PCBP3: variants seen among roughly 807,000 people sequenced by gnomAD.
The protein encoded by PCBP3 is poly(rC)-binding protein 3.
A neutral mutation model predicts 52.7 loss-of-function variants in PCBP3; 25 were observed. The observed-to-expected ratio is 0.47, with a 90% CI of 0.35 to 0.66. PCBP3 has a LOEUF of 0.66. PCBP3 is among the 30% of genes least tolerant of loss of function. The pLI, the probability that PCBP3 is intolerant of heterozygous loss-of-function variation, is 0.01. For missense variants in PCBP3, 391 were observed against 490.3 expected, an observed-to-expected ratio of 0.80 and a Z score of 1.91; for synonymous variants, 162 against 183.0, an observed-to-expected ratio of 0.89 and a Z score of 0.93.
At chr21:45,796,871 G>T (rs2091945526) in intron 4 of PCBP3, among the ~76,000 whole-genome samples, 1 of 152,222 alleles carries the variant, frequency 6.6e-6, no homozygotes, top group South Asian at 2.1e-4. Context: ...TAGAATGGAA[G>T]CATGATTTAT....
chr21:45,678,328 A>AATC (rs2081600671), intron 2 of PCBP3, among the ~76,000 whole-genome samples: 1 of 151,758 alleles, frequency 6.6e-6, no homozygotes, highest in Non-Finnish European at 1.5e-5. Context: ...AAATAATAAT[A>AATC]ATAAAATAAA....
At chr21:45,898,336 CCTCCCTCTGCACACCATCCTCATGGT>C (rs757663456) in intron 6 of PCBP3, among the ~76,000 whole-genome samples, 8,467 of 63,866 alleles carry the variant, frequency 0.13, 889 homozygotes, top group East Asian at 0.18. Flanking sequence ...GTCCTCACAG[CCTCCCTCTGCACACCATCCTCATGGT>C]CTCCCTCTGC....
intron 3 of PCBP3, among the ~76,000 whole-genome samples, chr21:45,752,449 C>A (rs1315308658): frequency 6.6e-6 from 1 of 151,870 alleles, no homozygotes; most frequent in Non-Finnish European, 1.5e-5. Context: ...TGTACATTTC[C>A]CTCAAAGTAC....
chr21:45,755,172 C>T (rs1199081925), intron 3 of PCBP3, among the ~76,000 whole-genome samples: 1 of 152,184 alleles, frequency 6.6e-6, no homozygotes, highest in African/African-American at 2.4e-5. Context: ...GCAGCTCTGC[C>T]TTTCTCAGAA....
At chr21:45,833,138 C>G (rs1280937163) in intron 4 of PCBP3, among the ~76,000 whole-genome samples, 1 of 152,152 alleles carries the variant, frequency 6.6e-6, no homozygotes, top group Non-Finnish European at 1.5e-5. Context: ...AGTGGGCACC[C>G]CCATCCAGCA....
At chr21:45,826,620 A>G (rs2147589369) in intron 4 of PCBP3, among the ~76,000 whole-genome samples, 1 of 152,264 alleles carries the variant, frequency 6.6e-6, no homozygotes, top group South Asian at 2.1e-4. Context: ...CATGCATAAA[A>G]GATTCTGAAA....
chr21:45,655,805 A>G (rs542365052), intron 1 of PCBP3, among the ~76,000 whole-genome samples: 15 of 152,268 alleles, frequency 9.9e-5, no homozygotes, highest in African/African-American at 3.6e-4. Context: ...ACTTAAACAA[A>G]TTTTCAAGAA....
intron 4 of PCBP3, among the ~76,000 whole-genome samples, chr21:45,775,399 G>T (rs1389335080): frequency 1.3e-5 from 2 of 150,958 alleles, no homozygotes; most frequent in African/African-American, 2.4e-5. Flanking sequence ...GTTTTCTTTG[G>T]TTCTTCTCTC....
At chr21:45,700,103 A>G (rs2083022947) in intron 2 of PCBP3, among the ~76,000 whole-genome samples, 1 of 152,160 alleles carries the variant, frequency 6.6e-6, no homozygotes, top group Non-Finnish European at 1.5e-5. Flanking sequence ...CATGCCAGTG[A>G]CAATGTTTGA....
chr21:45,813,625 A>G (rs1396623690), intron 4 of PCBP3, among the ~76,000 whole-genome samples: 1 of 152,104 alleles, frequency 6.6e-6, no homozygotes, highest in African/African-American at 2.4e-5. Context: ...TATTTTTTAA[A>G]TAGAGATGGG....
chr21:45,679,847 G>A (rs571686728), intron 2 of PCBP3, among the ~76,000 whole-genome samples: 7 of 152,314 alleles, frequency 4.6e-5, no homozygotes, highest in African/African-American at 1.4e-4. Flanking sequence ...ATTTGAGTGT[G>A]CAATTTATTT....
At chr21:45,659,223 G>A (rs901388833) in intron 1 of PCBP3, among the ~76,000 whole-genome samples, 1 of 150,426 alleles carries the variant, frequency 6.6e-6, no homozygotes, top group African/African-American at 2.4e-5. Flanking sequence ...AGAACGTTAG[G>A]TTATTGATTT....
chr21:45,872,853 G>T (rs1008966780), intron 5 of PCBP3: 1 of 152,180 alleles, frequency 6.6e-6, no homozygotes, highest in Admixed American at 6.5e-5. Flanking sequence ...GTGATATAAC[G>T]ATGCCCATCC....
intron 11 of PCBP3, among the ~76,000 whole-genome samples, chr21:45,911,555 G>T (rs1026037709): frequency 6.6e-6 from 1 of 152,140 alleles, no homozygotes; most frequent in East Asian, 1.9e-4. Context: ...GCATTAAAAC[G>T]GAAAAGCAGA....
intron 13 of PCBP3, among the ~76,000 whole-genome samples, chr21:45,926,940 TGACA>T (rs1439115993): frequency 6.6e-5 from 10 of 152,008 alleles, no homozygotes; most frequent in East Asian, 1.9e-4. Flanking sequence ...GCAGCAGGAG[TGACA>T]GACAGGATGG....
At chr21:45,777,587 T>C (rs1329389410) in intron 4 of PCBP3, among the ~76,000 whole-genome samples, 1 of 152,210 alleles carries the variant, frequency 6.6e-6, no homozygotes, top group African/African-American at 2.4e-5. Context: ...GTTCCAAATG[T>C]CATAAAGGAT....
At chr21:45,663,108 T>A (rs1171624756) in intron 1 of PCBP3, among the ~76,000 whole-genome samples, 1 of 152,098 alleles carries the variant, frequency 6.6e-6, no homozygotes, top group African/African-American at 2.4e-5. Flanking sequence ...AGTAGCAAAA[T>A]TAGTGAAAGT....
chr21:45,648,889 T>A (rs2079500329), intron 1 of PCBP3, among the ~76,000 whole-genome samples: 1 of 152,230 alleles, frequency 6.6e-6, no homozygotes, highest in African/African-American at 2.4e-5. Flanking sequence ...TCTATTTGTA[T>A]CCTGTTCTTT....
chr21:45,785,812 C>T (rs947825777), intron 4 of PCBP3, among the ~76,000 whole-genome samples: 1 of 150,074 alleles, frequency 6.7e-6, no homozygotes, highest in African/African-American at 2.5e-5. Context: ...GCCTTGGGAT[C>T]CTGTTGATCT....
Sources: allele counts gnomAD v4.1 joint callset (sites outside exome capture counted in the v4.1 genomes callset), GRCh38; gene constraint gnomAD v4.1.1; transcripts MANE v1.5; gene names NCBI Gene and HGNC (gene_info 2026-07-23, HGNC 2026-07-21).